Variants in ZNF347 observed in about 807,000 individuals in gnomAD.
ZNF347 encodes the protein zinc finger protein 347, also known as CTD-2620I22.7.
Under a neutral mutation model 12.9 loss-of-function variants are expected in ZNF347, and 19 were observed. That is an observed-to-expected ratio of 1.47 (90% CI 1.03 to 2.16). The LOEUF (loss-of-function observed/expected upper bound fraction) is 2.16, where lower values mean the gene tolerates loss of function less well. Ranked by LOEUF, ZNF347 falls within the 30% of genes most tolerant of loss-of-function variation. The pLI is 0.00. For synonymous variants in ZNF347, 328 were observed against 340.6 expected (o/e 0.96, Z 0.41); for missense variants, 1,005 against 990.6 (o/e 1.01, Z -0.19).
chr19:53,142,542 A>G lies in ZNF347; in HGVS notation c.286T>C (p.Phe96Leu). ...TTGTGTAGTAAATCTTTCATTACAA[A>G]TTCGGAAGAGAGAGCTACAAGATAT... ...KAVITALSSE[F>L]VMKDLLHKGK... Residue 96 changes from phenylalanine to leucine, a missense_variant, in exon 5 of 5, where the codon TTT becomes CTT. By Grantham distance (22) the Phe-to-Leu change is conservative. Coordinates refer to ENST00000334197, the MANE Select transcript of ZNF347 (RefSeq NM_032584.3). The G allele has an allele frequency of 6.3e-7, 1 of 1,589,000 alleles. No homozygotes were observed. Among genetic ancestry groups the G allele is most frequent in the Non-Finnish European group, 8.6e-7 (1 of 1,168,822 alleles).
At position 53,152,163 on chromosome 19, in the gene ZNF347, T is replaced by A. The variant is rs139325274; in HGVS notation, c.15+1570A>T. ...ACGCACTCACGTCACATATACACAG[T>A]TTAGTAATAACAACAGTGAAAAGGT... On this transcript the variant is annotated intron_variant, in intron 2 of 4. Transcript: ENST00000334197. 9.6e-3 allele frequency among the ~76,000 whole-genome samples: 1,452 copies of A among 151,312 alleles called. 18 individuals are homozygous for A. The highest frequency in any genetic ancestry group is 0.033 in the African/African-American group (1,350 of 41,198).
intron 2 of ZNF347, among the ~76,000 whole-genome samples, chr19:53,151,925 T>C (rs2090500668): frequency 6.6e-6 from 1 of 151,848 alleles, no homozygotes; most frequent in Non-Finnish European, 1.5e-5. Flanking sequence ...AAACACCATC[T>C]CTACTAAAAA....
chr19:53,143,550 C>A (rs2090443553), intron 4 of ZNF347, among the ~76,000 whole-genome samples: 2 of 151,896 alleles, frequency 1.3e-5, no homozygotes, highest in Non-Finnish European at 2.9e-5. Context: ...CTAAAAAGGA[C>A]ATGAACTCAT....
At chr19:53,148,912 C>T (rs2090480248) in intron 3 of ZNF347, 103 bp from the exon 4 acceptor site, 1 of 1,446,736 alleles carries the variant, frequency 6.9e-7, no homozygotes, top group South Asian at 1.4e-5. Context: ...TCTAAAAAAA[C>T]ACTTCAAAAA....
intron 2 of ZNF347, among the ~76,000 whole-genome samples, chr19:53,151,860 C>T (rs536447889): frequency 2.6e-5 from 4 of 152,050 alleles, no homozygotes; most frequent in South Asian, 4.2e-4. Context: ...TTCGGGAGGC[C>T]GAGGAGGGCG....
rs2090397993 is a variant in ZNF347 at position 53,138,290 on chromosome 19, A to G, written c.*2018T>C. 1 of 150,746 alleles carries G rather than the reference A, an allele frequency of 6.6e-6. No homozygotes were observed. The highest frequency in any genetic ancestry group is 2.4e-5 in the African/African-American group (1 of 40,946). 9.3% of individuals were successfully genotyped at this position (150,746 alleles called of 1,614,324 possible). ...GCCACCCTGCCTGGGTAATATTTCT[A>G]TTTTTTTTGTAGAGACAGGGTTTTG... On this transcript the variant is annotated 3_prime_UTR_variant, in exon 5 of 5. Transcript: ENST00000334197.
In ZNF347 at chr19:53,149,267, T is replaced by C; in HGVS notation, c.116A>G (p.Glu39Gly). 6.2e-7 allele frequency: 1 copy of C among 1,613,442 alleles called. No homozygotes were observed. Among genetic ancestry groups the C allele is most frequent in the Middle Eastern group, 1.7e-4 (1 of 6,056 alleles). The change falls in exon 3 of 5, where the codon GAG (glutamate) becomes GGG (glycine). Residue 39 changes from glutamate to glycine, a missense_variant. Coordinates refer to ENST00000334197, the MANE Select transcript of ZNF347 (RefSeq NM_032584.3). ...QRTLYRDVML[E>G]NYRNLASLGI... ...CAGGGAGGCCAGGTTCCTATAATTC[T>C]CCAACATCACGTCCCTGTACAAAGT...
chr19:53,153,619 C>T (rs1283679442), intron 2 of ZNF347, 114 bp downstream of exon 2: 3 of 1,478,822 alleles, frequency 2.0e-6, no homozygotes, highest in Non-Finnish European at 2.8e-6. Context: ...CGCGTAAGTG[C>T]GAGCAAACCT....
rs1467782012 is a variant in ZNF347 at position 53,142,976 on chromosome 19, CA to C, written c.272-421del. 2.6e-5 allele frequency among the ~76,000 whole-genome samples: 4 copies of C among 152,244 alleles called. No individual in the cohort carries two copies. The East Asian group carries it at 7.7e-4, about 29-fold the overall frequency. ...GTAACTGTTACACTAATATTAATAT[CA>C]TAATCATGGTGTGCAAACCATTTGT... On this transcript the variant is annotated intron_variant, in intron 4 of 4. Transcript: ENST00000334197.
At chr19:53,153,611 C>T (rs981380213) in intron 2 of ZNF347, 122 bp downstream of exon 2, 23 of 1,463,474 alleles carry the variant, frequency 1.6e-5, no homozygotes, top group Admixed American at 8.6e-5. Flanking sequence ...GGAAGGCACG[C>T]GTAAGTGCGA....
At chr19:53,146,323 G>A (rs1352108640) in intron 4 of ZNF347, among the ~76,000 whole-genome samples, 1 of 151,912 alleles carries the variant, frequency 6.6e-6, no homozygotes, top group African/African-American at 2.4e-5. Flanking sequence ...CACACAGGCT[G>A]GAGTGCAGTG....
At position 53,138,629 on chromosome 19, in the gene ZNF347, A is replaced by C. The variant is rs1158218748; in HGVS notation, c.*1679T>G. The C allele has an allele frequency of 6.6e-6, 1 of 152,122 alleles. No homozygotes were observed. The highest frequency in any genetic ancestry group is 1.5e-5 in the Non-Finnish European group (1 of 68,012). The allele number at this position is 152,122 out of a possible 1,614,324, so 9.4% of individuals were successfully genotyped here. On this transcript the variant is annotated 3_prime_UTR_variant, in exon 5 of 5. Coordinates refer to ENST00000334197, the MANE Select transcript of ZNF347 (RefSeq NM_032584.3). ...AGGCAGAGTGTAGAGAGAATAATTC[A>C]AGTGCAGAGTATGATTACATTTTCC...
chr19:53,149,893 C>T (rs1407127184), intron 2 of ZNF347, among the ~76,000 whole-genome samples: 1 of 152,174 alleles, frequency 6.6e-6, no homozygotes, highest in Non-Finnish European at 1.5e-5. Context: ...GTTGGGATTA[C>T]AGGCATGCAC....
In ZNF347 at chr19:53,141,652, C is replaced by T; in HGVS notation, c.1176G>A (p.Gln392=). ...AAGGTTTTTCTCCACTGTGGGTTGC[C>T]TGATGGATAGCTAAGCTTGAACGAG... The part of the protein sequence containing the change: ...FRARSSLAIH[Q]ATHSGEKPYK... Residue 392 remains glutamine, a synonymous_variant, in exon 5 of 5, where the codon CAG becomes CAA. Transcript: ENST00000334197. 6.2e-7 allele frequency: 1 copy of T among 1,614,006 alleles called. No individual in the cohort carries two copies. Among genetic ancestry groups the T allele is most frequent in the Non-Finnish European group, 8.5e-7 (1 of 1,179,996 alleles).
At chr19:53,151,322 T>G (rs1189004375) in intron 2 of ZNF347, among the ~76,000 whole-genome samples, 2 of 151,600 alleles carry the variant, frequency 1.3e-5, no homozygotes, top group Admixed American at 1.3e-4. Context: ...GATCACGAGG[T>G]CAGGAGATCA....
At chr19:53,143,443 G>A (rs2090442941) in intron 4 of ZNF347, among the ~76,000 whole-genome samples, 1 of 135,842 alleles carries the variant, frequency 7.4e-6, no homozygotes, top group African/African-American at 2.8e-5. Context: ...TGTTCTCATT[G>A]TTCAATTCCC....
At position 53,141,048 on chromosome 19, in the gene ZNF347, C is replaced by T. The variant is rs1301588941; in HGVS notation, c.1780G>A (p.Glu594Lys). 2 of 1,613,384 alleles carry T rather than the reference C, an allele frequency of 1.2e-6. No individual in the cohort carries two copies. The highest frequency in any genetic ancestry group is 1.3e-5 in the African/African-American group (1 of 74,662). Residue 594 changes from glutamate (E) to lysine (K), a missense_variant, in exon 5 of 5, where the codon GAG becomes AAG. Physicochemically the swap from Glu to Lys is moderately conservative, Grantham distance 56. Transcript: ENST00000334197. Reference sequence around the variant, plus strand: ...CATTCATTACATTTATAAGGTTTCTCTCCAGTATGAATTCCCCGATGTCTT... The same window carrying T: ...CATTCATTACATTTATAAGGTTTCTTTCCAGTATGAATTCCCCGATGTCTT... Reference protein sequence around the residue: ...LARHRGIHTGEKPYKCNECGK... With the variant: ...LARHRGIHTGKKPYKCNECGK...
At chr19:53,145,290 G>GAAAA (rs35614813) in intron 4 of ZNF347, among the ~76,000 whole-genome samples, 1 of 124,170 alleles carries the variant, frequency 8.1e-6, no homozygotes, top group Admixed American at 8.9e-5. Context: ...AGTCTGTCTA[G>GAAAA]AAAAAAAAAA....
In ZNF347 at chr19:53,159,003, ACT is replaced by A. The variant is rs1439523829; in HGVS notation, c.-47+4_-47+5del. On this transcript the variant is annotated splice_donor_5th_base_variant and intron_variant, in intron 1 of 4. Coordinates refer to ENST00000334197, the MANE Select transcript of ZNF347 (RefSeq NM_032584.3). ...GCAAGTTTAATCCATACTGAGGGAC[ACT>A]CACGCTCGGCGGCGTCACCCGCACC... 2 of 151,526 alleles carry A rather than the reference ACT, an allele frequency of 1.3e-5. No individual in the cohort carries two copies. Among genetic ancestry groups the A allele is most frequent in the African/African-American group, 4.8e-5 (2 of 41,260 alleles). The allele number at this position is 151,526 out of a possible 1,614,324, so 9.4% of individuals were successfully genotyped here.
Sources: allele counts gnomAD v4.1 joint callset (sites outside exome capture counted in the v4.1 genomes callset), GRCh38; gene constraint gnomAD v4.1.1; transcripts MANE v1.5; gene names NCBI Gene and HGNC (gene_info 2026-07-23, HGNC 2026-07-21).